Variants in EPS15L1 observed in about 807,000 individuals in gnomAD.
EPS15L1 encodes epidermal growth factor receptor substrate 15-like 1.
A neutral mutation model predicts 117.1 loss-of-function variants in EPS15L1; 43 were observed. The ratio of observed to expected loss-of-function variants is 0.37; its 90% confidence interval spans 0.29 to 0.47. EPS15L1 has a LOEUF of 0.47. Ranked by LOEUF, EPS15L1 falls within the 20% of genes least tolerant of loss-of-function variation. The pLI is 0.99. For missense variants in EPS15L1, 981 were observed against 1,164.0 expected, an observed-to-expected ratio of 0.84 and a Z score of 2.29; for synonymous variants, 459 against 470.5, an observed-to-expected ratio of 0.98 and a Z score of 0.32.
intron 16 of EPS15L1, among the ~76,000 whole-genome samples, chr19:16,399,980 T>C (rs1222243358): frequency 6.6e-6 from 1 of 152,168 alleles, no homozygotes; most frequent in Admixed American, 6.5e-5. Flanking sequence ...GTTGATTGGA[T>C]GGTGAGCAAG....
chr19:16,379,021 T>C (rs935132254), intron 21 of EPS15L1, among the ~76,000 whole-genome samples: 10 of 152,154 alleles, frequency 6.6e-5, no homozygotes, highest in African/African-American at 2.4e-4. Context: ...CATGTGTTCC[T>C]GGCCGGGCGC....
rs1291297335 is a variant in EPS15L1, at chr19:16,383,765, T to C, written c.2247+1364A>G. 1 of 152,268 alleles carries C rather than the reference T, an allele frequency of 6.6e-6. No homozygotes were observed. Among genetic ancestry groups the C allele is most frequent in the Non-Finnish European group, 1.5e-5 (1 of 68,068 alleles). The allele number at this position is 152,268 out of a possible 1,614,324, so 9.4% of individuals were successfully genotyped here. ...GCTTCTCGGAATCTGTGTTCTGTGA[T>C]CACAAGTTGCGACCGCTGCCAACCC... is the stretch of plus-strand genomic sequence containing the variant. On this transcript the variant is annotated intron_variant, in intron 21 of 23. Transcript: ENST00000455140. The surrounding 1 kb of genome is among the most constrained non-coding windows in gnomAD (Gnocchi z 5.2).
intron 22 of EPS15L1, 65 bp from the exon 23 acceptor site, chr19:16,362,049 G>A: frequency 1.4e-6 from 2 of 1,463,520 alleles, no homozygotes; most frequent in Non-Finnish European, 1.8e-6. Context: ...CCCGGACAGA[G>A]CAGAATGCTG....
intron 13 of EPS15L1, among the ~76,000 whole-genome samples, chr19:16,406,447 T>G (rs904260122): frequency 1.3e-5 from 2 of 152,152 alleles, no homozygotes; most frequent in African/African-American, 4.8e-5. Flanking sequence ...GGGTGAGGTG[T>G]CCAGTGGGGG....
chr19:16,355,962 G>C, intron 23 of EPS15L1, 111 bp from the exon 24 acceptor site: 1 of 1,331,492 alleles, frequency 7.5e-7, no homozygotes, highest in Non-Finnish European at 1.0e-6. Flanking sequence ...ACCGCCCAGC[G>C]GAGGGTCCGA....
intron 19 of EPS15L1, among the ~76,000 whole-genome samples, chr19:16,388,200 G>A (rs1324772212): frequency 1.3e-5 from 2 of 152,154 alleles, no homozygotes; most frequent in African/African-American, 4.8e-5. Context: ...GCACCACCAC[G>A]CCTGGCTAAT....
chr19:16,397,626 T>G (rs2092553841), intron 16 of EPS15L1, among the ~76,000 whole-genome samples: 1 of 152,090 alleles, frequency 6.6e-6, no homozygotes. Context: ...GTTGTTTCTG[T>G]CCTATGAGGA....
At chr19:16,375,602 C>T (rs2092285596) in intron 22 of EPS15L1, among the ~76,000 whole-genome samples, 1 of 152,222 alleles carries the variant, frequency 6.6e-6, no homozygotes, top group African/African-American at 2.4e-5. Flanking sequence ...CACAGGTGGC[C>T]TCTTGCAGAT....
chr19:16,437,026 G>A (rs369286988), intron 5 of EPS15L1, 27 bp from the exon 6 acceptor site: 3 of 1,606,468 alleles, frequency 1.9e-6, no homozygotes, highest in Non-Finnish European at 2.6e-6. Flanking sequence ...ACATTCCTTT[G>A]TGGCTGGCAC....
chr19:16,362,261 A>C (rs2092065618), intron 22 of EPS15L1, among the ~76,000 whole-genome samples: 1 of 152,126 alleles, frequency 6.6e-6, no homozygotes, highest in Non-Finnish European at 1.5e-5. Flanking sequence ...GTCCTAGAAT[A>C]GTTTGCATGC....
chr19:16,368,668 G>C (rs539344416), intron 22 of EPS15L1, among the ~76,000 whole-genome samples: 7 of 150,734 alleles, frequency 4.6e-5, no homozygotes, highest in African/African-American at 1.5e-4. Flanking sequence ...CACAACAGGC[G>C]ATCTCACAAA....
At chr19:16,386,932 G>A (rs1488463955) in intron 19 of EPS15L1, among the ~76,000 whole-genome samples, 1 of 152,188 alleles carries the variant, frequency 6.6e-6, no homozygotes, top group Non-Finnish European at 1.5e-5. Flanking sequence ...TCTCTACACA[G>A]AACGCTCACC....
intron 17 of EPS15L1, among the ~76,000 whole-genome samples, chr19:16,395,126 C>T (rs1196698751): frequency 1.4e-5 from 2 of 146,246 alleles, no homozygotes; most frequent in Admixed American, 7.1e-5. Flanking sequence ...ACCCAGGAGG[C>T]GGAGGTTGCA....
At chr19:16,439,533 AT>A (rs1323976255) in intron 4 of EPS15L1, among the ~76,000 whole-genome samples, 1 of 152,144 alleles carries the variant, frequency 6.6e-6, no homozygotes, top group Non-Finnish European at 1.5e-5. Context: ...TACAAAAAAA[AT>A]AATAAAAATT....
At chr19:16,457,865 G>C (rs536889959) in intron 1 of EPS15L1, among the ~76,000 whole-genome samples, 2 of 151,792 alleles carry the variant, frequency 1.3e-5, no homozygotes, top group African/African-American at 2.4e-5. Flanking sequence ...ACCCAAGACT[G>C]GGGGGGAGGG....
intron 22 of EPS15L1, among the ~76,000 whole-genome samples, chr19:16,375,731 G>A (rs562127045): frequency 6.6e-6 from 1 of 152,190 alleles, no homozygotes; most frequent in Non-Finnish European, 1.5e-5. Flanking sequence ...CAGAAAATCT[G>A]CTCTAAATCC....
chr19:16,471,779 C>A lies in EPS15L1; in HGVS notation c.33+134G>T, dbSNP rs990701769. The A allele has an allele frequency of 2.3e-5, 7 of 298,276 alleles. No individual in the cohort carries two copies. Among genetic ancestry groups the A allele is most frequent in the African/African-American group, 1.3e-4 (6 of 44,806 alleles). 18.5% of individuals were successfully genotyped at this position (298,276 alleles called of 1,614,324 possible). A position where few individuals can be genotyped will look rare whatever the true frequency, so the allele number is the denominator to read the frequency against. ...TCACCTTCAGGGCCGCCTGCCCACC[C>A]GCCCGCCGCAAGCCCTTCAGCACGC... is the stretch of plus-strand genomic sequence containing the variant. On this transcript the variant is annotated intron_variant, in intron 1 of 23. Transcript: ENST00000455140. The surrounding 1 kb of genome is among the most constrained non-coding windows in gnomAD (Gnocchi z 4.8).
intron 1 of EPS15L1, among the ~76,000 whole-genome samples, chr19:16,459,979 T>C (rs901090988): frequency 2.0e-5 from 3 of 152,166 alleles, no homozygotes; most frequent in African/African-American, 7.2e-5. Context: ...ACATCTAGGA[T>C]AGAACAATAT....
chr19:16,471,992 C>A (rs1331570557), upstream of EPS15L1: 11 of 1,245,462 alleles, frequency 8.8e-6, no homozygotes, highest in Non-Finnish European at 1.1e-5. This position sits in a 1 kb window ranked among gnomAD's most constrained non-coding sequence, Gnocchi z 4.8. Context: ...GGGGGCGGGG[C>A]TGCAGCCACG....
Sources: allele counts gnomAD v4.1 joint callset (sites outside exome capture counted in the v4.1 genomes callset), GRCh38; gene constraint gnomAD v4.1.1; non-coding constraint Gnocchi (gnomAD v3.1); transcripts MANE v1.5; gene names NCBI Gene and HGNC (gene_info 2026-07-23, HGNC 2026-07-21).